Variants in SLC38A9 observed in about 807,000 individuals in gnomAD.
The protein encoded by SLC38A9 is solute carrier family 38 member 9.
SLC38A9 carries 48 observed loss-of-function variants against 62.3 expected under a neutral mutation model. The ratio of observed to expected loss-of-function variants is 0.77; its 90% confidence interval spans 0.61 to 0.98. The LOEUF is 0.98. Ranked by LOEUF, SLC38A9 falls within the 50% of genes least tolerant of loss-of-function variation. SLC38A9 has a pLI of 0.00. For missense variants in SLC38A9, 541 were observed against 679.8 expected (o/e 0.80, Z 2.27); for synonymous variants, 204 against 227.7 (o/e 0.90, Z 0.94).
At chr5:55,653,334 T>G (rs149264995) in intron 9 of SLC38A9, among the ~76,000 whole-genome samples, 2 of 152,184 alleles carry the variant, frequency 1.3e-5, no homozygotes, top group African/African-American at 4.8e-5. Context: ...CTTGGTTCCA[T>G]TGCCAGAGAG....
chr5:55,626,700 C>T (rs747029823), intron 15 of SLC38A9, 41 bp from the exon 16 acceptor site: 3 of 1,521,962 alleles, frequency 2.0e-6, no homozygotes, highest in Middle Eastern at 1.8e-4. Context: ...TCATCTTGCA[C>T]TTTGCTTTTT....
At chr5:55,708,589 TA>T (rs1255910806) in intron 2 of SLC38A9, among the ~76,000 whole-genome samples, 3 of 152,206 alleles carry the variant, frequency 2.0e-5, no homozygotes, top group Non-Finnish European at 2.9e-5. Context: ...TGTGCCCAAA[TA>T]AATGTGACTA....
intron 8 of SLC38A9, among the ~76,000 whole-genome samples, chr5:55,659,180 A>T (rs1749003336): frequency 6.6e-6 from 1 of 152,070 alleles, no homozygotes; most frequent in African/African-American, 2.4e-5. Context: ...GTGAAACATC[A>T]GAAAGATTTC....
intron 2 of SLC38A9, among the ~76,000 whole-genome samples, chr5:55,698,455 TG>T (rs1486390324): frequency 6.6e-6 from 1 of 152,184 alleles, no homozygotes; most frequent in Non-Finnish European, 1.5e-5. Context: ...GTGTAGTATT[TG>T]GGAAACAGAA....
chr5:55,684,590 A>G (rs1391887414), intron 3 of SLC38A9, among the ~76,000 whole-genome samples: 1 of 152,166 alleles, frequency 6.6e-6, no homozygotes, highest in Non-Finnish European at 1.5e-5. Flanking sequence ...CCTGGATTCC[A>G]AATTTTCTTC....
chr5:55,678,640 A>T (rs1752539157), intron 3 of SLC38A9, among the ~76,000 whole-genome samples: 1 of 141,290 alleles, frequency 7.1e-6, no homozygotes, highest in Admixed American at 7.6e-5. Context: ...TAAGACTGAA[A>T]TGAACTTTTT....
Position 55,649,309 on chromosome 5 carries a change from CTG to C in SLC38A9, c.956_957del (p.Thr319SerfsTer13), listed in dbSNP as rs772707192. The C allele has an allele frequency of 2.6e-6, 4 of 1,561,858 alleles. No individual in the cohort carries two copies. Among genetic ancestry groups the C allele is most frequent in the Non-Finnish European group, 3.5e-6 (4 of 1,158,740 alleles). The stretch of plus-strand genomic sequence containing the variant: ...AGGAAAATCAAATAAAGGACAGACA[CTG>C]TGCCTGTGAGGAAAAAATTCAGAAA... ...SFFSKFNILGTVSVLYLIFLV... is the reference protein window; with the variant it reads ...SFFSKFNILGXVSVLYLIFLV... On this transcript the variant is annotated frameshift_variant, in exon 11 of 16. Transcript: ENST00000396865. LOFTEE classifies it high-confidence loss of function.
intron 9 of SLC38A9, among the ~76,000 whole-genome samples, chr5:55,656,345 C>T (rs13167344): frequency 0.6 from 90,560 of 151,082 alleles, 27,699 homozygotes; most frequent in South Asian, 0.7. Flanking sequence ...AAACAATAGA[C>T]CTCTAAAACT....
At chr5:55,678,140 T>TTTTTG (rs1329412467) in intron 3 of SLC38A9, among the ~76,000 whole-genome samples, 2 of 143,758 alleles carry the variant, frequency 1.4e-5, no homozygotes, top group Non-Finnish European at 3.1e-5. Flanking sequence ...GGTTACTGGT[T>TTTTTG]TTTTTTTCTT....
At chr5:55,696,716 C>G (rs1270375690) in intron 3 of SLC38A9, 1 of 146,248 alleles carries the variant, frequency 6.8e-6, no homozygotes. Context: ...CCCCCACCTC[C>G]CTCCCGGACG....
At chr5:55,699,265 T>TA (rs1328578883) in intron 2 of SLC38A9, among the ~76,000 whole-genome samples, 2 of 152,094 alleles carry the variant, frequency 1.3e-5, no homozygotes, top group South Asian at 2.1e-4. Context: ...AAAAAATAAA[T>TA]AAAAAAACAC....
intron 2 of SLC38A9, among the ~76,000 whole-genome samples, chr5:55,701,635 G>A (rs1214522171): frequency 6.6e-6 from 1 of 152,192 alleles, no homozygotes; most frequent in Non-Finnish European, 1.5e-5. Context: ...AGGGTAATAA[G>A]GAATTTGGCC....
chr5:55,709,344 A>C (rs1187894325), intron 2 of SLC38A9, among the ~76,000 whole-genome samples: 1 of 152,224 alleles, frequency 6.6e-6, no homozygotes, highest in Non-Finnish European at 1.5e-5. Context: ...GTATGTTACA[A>C]AATGCAGGCC....
At chr5:55,686,135 T>TA (rs1753784846) in intron 3 of SLC38A9, among the ~76,000 whole-genome samples, 1 of 152,184 alleles carries the variant, frequency 6.6e-6, no homozygotes, top group Non-Finnish European at 1.5e-5. Flanking sequence ...CCTTTGGGTA[T>TA]ATACCCAGTA....
At chr5:55,677,970 T>G (rs1323855776) in intron 3 of SLC38A9, among the ~76,000 whole-genome samples, 1 of 36,756 alleles carries the variant, frequency 2.7e-5, no homozygotes, top group Admixed American at 3.1e-4. Context: ...GTGTAGTGTG[T>G]TGGGAGGGAG....
intron 12 of SLC38A9, among the ~76,000 whole-genome samples, chr5:55,636,010 C>G (rs1744347682): frequency 6.6e-6 from 1 of 152,046 alleles, no homozygotes; most frequent in South Asian, 2.1e-4. Context: ...AATAATAAAG[C>G]TAAGGGACAA....
chr5:55,686,411 G>A (rs1753824154), intron 3 of SLC38A9, among the ~76,000 whole-genome samples: 2 of 102,226 alleles, frequency 2.0e-5, no homozygotes, highest in South Asian at 7.8e-4. Context: ...CTTGTTGGCT[G>A]CATATATGTC....
chr5:55,708,741 C>A (rs1479087395), intron 2 of SLC38A9, among the ~76,000 whole-genome samples: 1 of 152,116 alleles, frequency 6.6e-6, no homozygotes, highest in East Asian at 1.9e-4. Flanking sequence ...ATATTTTTTT[C>A]TGTAAAGGGT....
At chr5:55,689,320 A>G (rs1422639570) in intron 3 of SLC38A9, among the ~76,000 whole-genome samples, 1 of 152,212 alleles carries the variant, frequency 6.6e-6, no homozygotes, top group Non-Finnish European at 1.5e-5. Flanking sequence ...GACTAAAAAA[A>G]GTATCAGGCA....
Sources: gnomAD v4.1 joint callset for allele counts (sites outside exome capture counted in the v4.1 genomes callset) on GRCh38, gnomAD v4.1.1 for gene constraint, MANE v1.5 for transcripts, NCBI Gene and HGNC (gene_info 2026-07-23, HGNC 2026-07-21) for gene names.